Variants in RHBDF2 observed in about 807,000 individuals in gnomAD.
RHBDF2 encodes inactive rhomboid protein 2.
In RHBDF2, 38 loss-of-function variants were observed where a neutral mutation model predicts 95.2. The ratio of observed to expected loss-of-function variants is 0.40; its 90% CI spans 0.31 to 0.52. RHBDF2 has a LOEUF of 0.52. Among genes scored for constraint, RHBDF2 ranks in the 20% least tolerant of loss-of-function variants. The pLI is 0.56. For missense variants in RHBDF2, 863 were observed against 1,137.7 expected, an observed-to-expected ratio of 0.76 and a Z score of 3.47; for synonymous variants, 442 against 462.0, an observed-to-expected ratio of 0.96 and a Z score of 0.55.
chr17:76,474,929 G>C, intron 10 of RHBDF2, 101 bp downstream of exon 10: 1 of 1,485,800 alleles, frequency 6.7e-7, no homozygotes, highest in Non-Finnish European at 9.2e-7. Flanking sequence ...GCACCACCCT[G>C]CTGGGGCCAG....
rs952030510 is a variant in RHBDF2, at chr17:76,487,197, C to T, written c.-22+515G>A. On this transcript the variant is annotated intron_variant, in intron 2 of 18. Coordinates refer to ENST00000675367, the MANE Select transcript of RHBDF2 (RefSeq NM_001005498.4). ...TGGTCTCAAACTCCTGGCCTCCACC[C>T]GCCTTGGCCTCCCAAAGTGCTTGGA... 4.0e-5 allele frequency among the ~76,000 whole-genome samples: 6 copies of T among 151,628 alleles called. No homozygotes were observed. The South Asian group carries it at 6.2e-4, about 16-fold the overall frequency.
intron 8 of RHBDF2, 36 bp from the exon 9 acceptor site, chr17:76,477,060 A>C (rs767265058): frequency 1.2e-6 from 2 of 1,611,450 alleles, no homozygotes; most frequent in Non-Finnish European, 1.7e-6. Context: ...TGAATCCCCC[A>C]CCAAAATACT....
At chr17:76,494,659 G>A (rs1229205073) in intron 1 of RHBDF2, among the ~76,000 whole-genome samples, 1 of 152,208 alleles carries the variant, frequency 6.6e-6, no homozygotes, top group Non-Finnish European at 1.5e-5. Context: ...GGCTGAGGCA[G>A]AAGAATCGCT....
chr17:76,471,382 G>C lies in RHBDF2; in HGVS notation c.*251C>G. 1 of 515,946 alleles carries C rather than the reference G, an allele frequency of 1.9e-6. No individual in the cohort carries two copies. The highest frequency in any genetic ancestry group is 3.4e-6 in the Non-Finnish European group (1 of 292,628). The allele number at this position is 515,946 out of a possible 1,614,324, so 32.0% of individuals were successfully genotyped here. A position where few individuals can be genotyped will look rare whatever the true frequency, so the allele number is the denominator to read the frequency against. On this transcript the variant is annotated 3_prime_UTR_variant, in exon 19 of 19. Transcript: ENST00000675367. ...TAGGAACTGAGACCCAAGACTCAGA[G>C]AGGCAGGTGCCTTGGGTGTGCCTGA...
Position 76,481,539 on chromosome 17 carries a change from G to T in RHBDF2, c.-15C>A, listed in dbSNP as rs780800084. 6.2e-7 allele frequency: 1 copy of T among 1,603,304 alleles called. No homozygotes were observed. The highest frequency in any genetic ancestry group is 8.5e-7 in the Non-Finnish European group (1 of 1,178,266). Reference sequence around the variant, plus strand: ...GCAGAGGCCATTGTGGGCAGGAGGCGGGAGGGCTGGAATGGAGACCGGGAG... The same window carrying T: ...GCAGAGGCCATTGTGGGCAGGAGGCTGGAGGGCTGGAATGGAGACCGGGAG... On this transcript the variant is annotated 5_prime_UTR_variant, in exon 3 of 19. Coordinates refer to ENST00000675367, the MANE Select transcript of RHBDF2 (RefSeq NM_001005498.4).
At chr17:76,498,167 C>T (rs528542574) in intron 1 of RHBDF2, among the ~76,000 whole-genome samples, 5 of 152,148 alleles carry the variant, frequency 3.3e-5, no homozygotes, top group Non-Finnish European at 7.4e-5. Flanking sequence ...TGAAGCCGCC[C>T]GTGCCCTGAG....
intron 4 of RHBDF2, 57 bp downstream of exon 4, chr17:76,479,676 C>G: frequency 1.4e-6 from 2 of 1,396,324 alleles, no homozygotes; most frequent in Non-Finnish European, 2.0e-6. Flanking sequence ...GTCCAGGCCC[C>G]GAGAATCCAC....
At chr17:76,499,999 ACT>A (rs2074538220) in intron 1 of RHBDF2, among the ~76,000 whole-genome samples, 2 of 151,670 alleles carry the variant, frequency 1.3e-5, no homozygotes, top group South Asian at 4.2e-4. Context: ...CCAAAGGAAG[ACT>A]CTTGTGAGGG....
chr17:76,495,797 A>C (rs77103814), intron 1 of RHBDF2, among the ~76,000 whole-genome samples: 4,818 of 152,286 alleles, frequency 0.032, 95 homozygotes, highest in African/African-American at 0.058. Flanking sequence ...CCAGGCAGAC[A>C]CTTCTGAGCT....
chr17:76,477,936 G>T (rs1281520088), intron 6 of RHBDF2, 151 bp from the exon 7 acceptor site: 5 of 1,261,324 alleles, frequency 4.0e-6, no homozygotes, highest in Non-Finnish European at 4.3e-6. Context: ...TCTGCAAGCT[G>T]AACGGGCAAG....
rs12943385 is a variant in RHBDF2 at position 76,481,538 on chromosome 17, C to T, written c.-14G>A. On this transcript the variant is annotated 5_prime_UTR_variant, in exon 3 of 19. Coordinates refer to ENST00000675367, the MANE Select transcript of RHBDF2 (RefSeq NM_001005498.4). ...AGCAGAGGCCATTGTGGGCAGGAGG[C>T]GGGAGGGCTGGAATGGAGACCGGGA... 0.14 allele frequency: 218,451 copies of T among 1,602,786 alleles called. 16,120 individuals are homozygous for T. Among genetic ancestry groups the T allele is most frequent in the South Asian group, 0.24 (21,972 of 90,884 alleles).
In RHBDF2 at chr17:76,497,273, C is replaced by T. The variant is rs2074449446; in HGVS notation, c.-220+4080G>A. Among the ~76,000 whole-genome samples, 3 of 152,154 alleles carry T rather than the reference C, an allele frequency of 2.0e-5. No individual in the cohort carries two copies. In the South Asian group the frequency reaches 6.2e-4, roughly 32 times the overall value. ...CCCCAGGAACCTACGCCAGGGAAAG[C>T]ACAGCTGAGGGGCACCAACTCCATG... is the stretch of plus-strand genomic sequence containing the variant. On this transcript the variant is annotated intron_variant, in intron 1 of 18. Coordinates refer to ENST00000675367, the MANE Select transcript of RHBDF2 (RefSeq NM_001005498.4).
intron 11 of RHBDF2, 65 bp from the exon 12 acceptor site, chr17:76,474,599 T>C: frequency 6.2e-7 from 1 of 1,609,972 alleles, no homozygotes; most frequent in South Asian, 1.1e-5. Flanking sequence ...GGTCCATCAC[T>C]CCACCTCTGC....
chr17:76,474,101 C>A lies in RHBDF2; in HGVS notation c.1506G>T (p.Gly502=). 2.5e-6 allele frequency: 4 copies of A among 1,604,626 alleles called. No homozygotes were observed. The highest frequency in any genetic ancestry group is 3.4e-6 in the Non-Finnish European group (4 of 1,176,346). Residue 502 remains glycine, a synonymous_variant, in exon 13 of 19, where the codon GGG becomes GGT. Transcript: ENST00000675367. ...CCAGATCAGACTTGTCCATGGGGGG[C>A]CCAGTGTCATCCTGCCACTTGACAA... ...ATFVKWQDDT[G]PPMDKSDLGQ...
At chr17:76,495,081 A>C (rs1010202313) in intron 1 of RHBDF2, among the ~76,000 whole-genome samples, 2 of 152,146 alleles carry the variant, frequency 1.3e-5, no homozygotes, top group Non-Finnish European at 2.9e-5. Flanking sequence ...ACAGCAACAC[A>C]GGCTCGGTGG....
At chr17:76,474,936 C>G (rs1834552905) in intron 10 of RHBDF2, 94 bp downstream of exon 10, 1 of 1,479,910 alleles carries the variant, frequency 6.8e-7, no homozygotes, top group South Asian at 1.2e-5. Context: ...CCTGCTGGGG[C>G]CAGATTGTTG....
intron 6 of RHBDF2, 48 bp from the exon 7 acceptor site, chr17:76,477,833 T>A: frequency 6.3e-7 from 1 of 1,593,334 alleles, no homozygotes; most frequent in Non-Finnish European, 8.5e-7. Context: ...CCTGGCCACC[T>A]AGGCCCCCAG....
intron 2 of RHBDF2, among the ~76,000 whole-genome samples, chr17:76,483,974 A>C (rs1428565533): frequency 6.6e-6 from 1 of 151,952 alleles, no homozygotes; most frequent in African/African-American, 2.4e-5. Context: ...TAAAACCCCC[A>C]GCTGTGGCCG....
In RHBDF2 at chr17:76,474,096, G is replaced by A; in HGVS notation, c.1511C>T (p.Pro504Leu). The A allele has an allele frequency of 6.2e-7, 1 of 1,608,140 alleles. No individual in the cohort carries two copies. Among genetic ancestry groups the A allele is most frequent in the Non-Finnish European group, 8.5e-7 (1 of 1,177,932 alleles). The stretch of plus-strand genomic sequence containing the variant: ...CTGGCCCAGATCAGACTTGTCCATG[G>A]GGGGCCCAGTGTCATCCTGCCACTT... Reference protein sequence around the residue: ...FVKWQDDTGPPMDKSDLGQKR... With the variant: ...FVKWQDDTGPLMDKSDLGQKR... The change falls in exon 13 of 19, where the codon CCC becomes CTC. Residue 504 changes from proline to leucine, a missense_variant. Transcript: ENST00000675367.
Sources: gnomAD v4.1 joint callset for allele counts (sites outside exome capture counted in the v4.1 genomes callset) on GRCh38, gnomAD v4.1.1 for gene constraint, MANE v1.5 for transcripts, NCBI Gene and HGNC (gene_info 2026-07-23, HGNC 2026-07-21) for gene names.